Variants in BICC1 observed in about 807,000 individuals in gnomAD.
The protein encoded by BICC1 is protein bicaudal C homolog 1.
A neutral mutation model predicts 111.0 loss-of-function variants in BICC1; 43 were observed. The ratio of observed to expected loss-of-function variants is 0.39; its 90% CI spans 0.30 to 0.50. BICC1 has a LOEUF of 0.50. Ranked by LOEUF, BICC1 falls within the 20% of genes least tolerant of loss-of-function variation. The pLI is 0.88. For missense variants in BICC1, 1,091 were observed against 1,203.2 expected (o/e 0.91, Z 1.38); for synonymous variants, 467 against 434.4 (o/e 1.07, Z -0.93).
intron 1 of BICC1, among the ~76,000 whole-genome samples, chr10:58,587,573 A>T (rs962840117): frequency 8.5e-5 from 13 of 152,178 alleles, no homozygotes; most frequent in African/African-American, 2.7e-4. Context: ...GTTTTGCTTA[A>T]AGCTTGTGGT....
At chr10:58,532,394 C>T (rs1027583641) in intron 1 of BICC1, among the ~76,000 whole-genome samples, 2 of 151,718 alleles carry the variant, frequency 1.3e-5, no homozygotes, top group African/African-American at 2.4e-5. Flanking sequence ...AAAAGAGTCC[C>T]TATCCAGAGC....
At chr10:58,648,101 A>G (rs1030249281) in intron 2 of BICC1, among the ~76,000 whole-genome samples, 1 of 152,092 alleles carries the variant, frequency 6.6e-6, no homozygotes, top group Non-Finnish European at 1.5e-5. Context: ...GACACAATCA[A>G]CTGCATTTAA....
chr10:58,687,130 G>A (rs146592732), intron 2 of BICC1, among the ~76,000 whole-genome samples: 1,531 of 152,250 alleles, frequency 0.01, 31 homozygotes, highest in African/African-American at 0.035. Flanking sequence ...GGATTTTGCC[G>A]GAGATCCACT....
chr10:58,586,599 A>G (rs1283296387), intron 1 of BICC1, among the ~76,000 whole-genome samples: 2 of 132,592 alleles, frequency 1.5e-5, no homozygotes, highest in African/African-American at 2.8e-5. Context: ...TGGGCAACAG[A>G]GAGAGACTCA....
chr10:58,513,265 T>C lies in BICC1; in HGVS notation c.122T>C (p.Leu41Pro). ...GACGACTTGGTCGCCGGGGCGACCCTGCACAGCCCGGAGTGGAGCGAGGAG... is the reference window on the plus strand; with the variant it reads ...GACGACTTGGTCGCCGGGGCGACCCCGCACAGCCCGGAGTGGAGCGAGGAG... ...SEDDLVAGAT[L>P]HSPEWSEERF... The change falls in exon 1 of 21, where the codon CTG becomes CCG. Residue 41 changes from leucine to proline, a missense_variant. Around this residue, in one of 3 missense-constraint regions of BICC1, gnomAD observed 843 missense variants for 900.8 expected, o/e 0.94. Coordinates refer to ENST00000373886, the MANE Select transcript of BICC1 (RefSeq NM_001080512.3). 6.2e-7 allele frequency: 1 copy of C among 1,613,140 alleles called. No individual in the cohort carries two copies. Among genetic ancestry groups the C allele is most frequent in the Non-Finnish European group, 8.5e-7 (1 of 1,179,594 alleles).
At chr10:58,714,329 C>T (rs538406196) in intron 3 of BICC1, among the ~76,000 whole-genome samples, 1 of 152,196 alleles carries the variant, frequency 6.6e-6, no homozygotes, top group South Asian at 2.1e-4. Flanking sequence ...GGAGAAAATA[C>T]CTATGTAACA....
In BICC1 at chr10:58,575,289, C is replaced by T. The variant is rs923314300; in HGVS notation, c.191-45566C>T. ...TGAGTGAGAACATGACCTTGCAAAC[C>T]TTTTAAAGAGTATCAAAGATCCCCG... On this transcript the variant is annotated intron_variant, in intron 1 of 20. Coordinates refer to ENST00000373886, the MANE Select transcript of BICC1 (RefSeq NM_001080512.3). Among the ~76,000 whole-genome samples, 12 of 144,294 alleles carry T rather than the reference C, an allele frequency of 8.3e-5. 1 individual carries two copies. The highest frequency in any genetic ancestry group is 2.0e-4 in the African/African-American group (8 of 40,646). 94.7% of individuals were successfully genotyped at this position (144,294 alleles called of 152,430 possible).
chr10:58,516,274 T>G (rs1360224565), intron 1 of BICC1, among the ~76,000 whole-genome samples: 1 of 152,244 alleles, frequency 6.6e-6, no homozygotes, highest in Non-Finnish European at 1.5e-5. Flanking sequence ...CCAGAGAGAC[T>G]GTCCTGGGGG....
At chr10:58,744,684 A>G (rs1201649759) in intron 3 of BICC1, among the ~76,000 whole-genome samples, 1 of 82,712 alleles carries the variant, frequency 1.2e-5, no homozygotes, top group East Asian at 1.0e-3. Flanking sequence ...TGACATCTTT[A>G]TCCTTATCTT....
rs570350388 is a variant in BICC1 at position 58,802,368 on chromosome 10, A to G, written c.2016-709A>G. On this transcript the variant is annotated intron_variant, in intron 14 of 20. Coordinates refer to ENST00000373886, the MANE Select transcript of BICC1 (RefSeq NM_001080512.3). Reference sequence around the variant, plus strand: ...ACAGCAGCTGAGTAGTTGAACAAATAAAATCATGAATGAATAAACAAAACA... The same window carrying G: ...ACAGCAGCTGAGTAGTTGAACAAATGAAATCATGAATGAATAAACAAAACA... 5.0e-4 allele frequency among the ~76,000 whole-genome samples: 76 copies of G among 152,342 alleles called. 1 individual carries two copies. Among genetic ancestry groups the G allele is most frequent in the Admixed American group, 4.2e-3 (65 of 15,298 alleles).
chr10:58,599,006 G>A (rs754911791), intron 1 of BICC1, among the ~76,000 whole-genome samples: 14 of 152,186 alleles, frequency 9.2e-5, no homozygotes, highest in Non-Finnish European at 1.6e-4. Context: ...GGCAACAACA[G>A]ATGCTGGAGA....
intron 1 of BICC1, among the ~76,000 whole-genome samples, chr10:58,600,400 AG>A (rs1217285247): frequency 1.3e-5 from 2 of 152,244 alleles, no homozygotes; most frequent in African/African-American, 4.8e-5. Context: ...GCTGTCTCTA[AG>A]ACAGAGCTAT....
chr10:58,765,454 C>G lies in BICC1; in HGVS notation c.308-19547C>G, dbSNP rs138180232. ...TTGCCTAAACATTTTTATTTACATT[C>G]ATTCATCTATCAAACATGTTCTTTA... On this transcript the variant is annotated intron_variant, in intron 3 of 20. Transcript: ENST00000373886. Among the ~76,000 whole-genome samples the G allele has an allele frequency of 9.7e-4, 148 of 152,186 alleles. 1 individual carries two copies. The highest frequency in any genetic ancestry group is 3.3e-3 in the African/African-American group (136 of 41,530).
chr10:58,721,982 A>G (rs1243744953), intron 3 of BICC1, among the ~76,000 whole-genome samples: 2 of 152,216 alleles, frequency 1.3e-5, no homozygotes, highest in African/African-American at 2.4e-5. Flanking sequence ...TACTAACAAT[A>G]TAGTTGTTAA....
At chr10:58,799,021 T>C (rs1372382389) in intron 11 of BICC1, 35 bp from the exon 12 acceptor site, 1 of 1,399,332 alleles carries the variant, frequency 7.1e-7, no homozygotes, top group Non-Finnish European at 9.7e-7. Context: ...TCTGAGTTTC[T>C]TCCTAATATC....
chr10:58,809,960 A>G (rs1298422614), intron 17 of BICC1, among the ~76,000 whole-genome samples: 1 of 152,242 alleles, frequency 6.6e-6, no homozygotes, highest in South Asian at 2.1e-4. Context: ...TTTTATGAAC[A>G]TAAGAATCAC....
chr10:58,658,949 C>T (rs189129715), intron 2 of BICC1, among the ~76,000 whole-genome samples: 9 of 152,040 alleles, frequency 5.9e-5, no homozygotes, highest in African/African-American at 1.9e-4. Context: ...TCTGCACCCT[C>T]CCAGCAGATA....
intron 3 of BICC1, among the ~76,000 whole-genome samples, chr10:58,774,114 A>G (rs1842688302): frequency 6.6e-6 from 1 of 152,196 alleles, no homozygotes; most frequent in Non-Finnish European, 1.5e-5. Flanking sequence ...TTGTCTTTCC[A>G]TGACAGTTAA....
At chr10:58,599,615 G>A (rs960280563) in intron 1 of BICC1, among the ~76,000 whole-genome samples, 13 of 152,006 alleles carry the variant, frequency 8.6e-5, no homozygotes, top group African/African-American at 3.1e-4. Flanking sequence ...AAAACTGCAC[G>A]TTCTGCACAT....
Sources: gnomAD v4.1 joint callset for allele counts (sites outside exome capture counted in the v4.1 genomes callset) on GRCh38, gnomAD v4.1.1 for gene constraint, gnomAD v4.1.1 regional missense constraint, MANE v1.5 for transcripts, NCBI Gene and HGNC (gene_info 2026-07-23, HGNC 2026-07-21) for gene names.